CTNNA2: variants seen among roughly 807,000 people sequenced by gnomAD.
CTNNA2 encodes the protein catenin alpha-2.
A neutral mutation model predicts 101.0 loss-of-function variants in CTNNA2; 42 were observed. That is an observed-to-expected ratio of 0.42 (90% CI 0.32 to 0.54). The LOEUF (loss-of-function observed/expected upper bound fraction) is 0.54. CTNNA2 is among the 20% of genes least tolerant of loss of function. The pLI is 0.14. For synonymous variants in CTNNA2, 450 were observed against 456.4 expected, an observed-to-expected ratio of 0.99 and a Z score of 0.18; for missense variants, 871 against 1,223.1, an observed-to-expected ratio of 0.71 and a Z score of 4.29.
chr2:79,354,739 A>G (rs992983228), intron 3 of CTNNA2, among the ~76,000 whole-genome samples: 5 of 152,218 alleles, frequency 3.3e-5, no homozygotes, highest in Admixed American at 6.5e-5. Context: ...CCACTGTGAG[A>G]GTGAATTGCC....
chr2:79,935,514 G>T (rs1248657066), intron 7 of CTNNA2, among the ~76,000 whole-genome samples: 2 of 152,122 alleles, frequency 1.3e-5, no homozygotes, highest in Non-Finnish European at 2.9e-5. Flanking sequence ...CACAAAGAGA[G>T]GCTATCATTT....
chr2:80,575,654 A>C (rs758896846), intron 13 of CTNNA2, among the ~76,000 whole-genome samples: 3 of 152,052 alleles, frequency 2.0e-5, no homozygotes, highest in Non-Finnish European at 4.4e-5. Context: ...AATCCTCAAG[A>C]TATATTCCCT....
intron 3 of CTNNA2, among the ~76,000 whole-genome samples, chr2:79,769,646 C>T (rs1440456001): frequency 1.3e-5 from 2 of 152,152 alleles, no homozygotes; most frequent in African/African-American, 4.8e-5. Context: ...GCATTAGTTA[C>T]GTTTTGAACT....
intron 9 of CTNNA2, among the ~76,000 whole-genome samples, chr2:80,450,162 T>C (rs1363779453): frequency 6.6e-6 from 1 of 152,196 alleles, no homozygotes; most frequent in Non-Finnish European, 1.5e-5. Context: ...TAATAGATAT[T>C]CCATAGAAAA....
At chr2:79,841,484 A>T (rs1263307240) in intron 3 of CTNNA2, among the ~76,000 whole-genome samples, 1 of 152,218 alleles carries the variant, frequency 6.6e-6, no homozygotes, top group Non-Finnish European at 1.5e-5. Flanking sequence ...TCTAATTTTT[A>T]AGAAGGTGGG....
chr2:79,903,911 A>G (rs1251710415), intron 6 of CTNNA2, among the ~76,000 whole-genome samples: 1 of 152,220 alleles, frequency 6.6e-6, no homozygotes, highest in Non-Finnish European at 1.5e-5. Context: ...CAGGTGCAGC[A>G]GATGGAGATG....
intron 9 of CTNNA2, among the ~76,000 whole-genome samples, chr2:80,450,465 A>T (rs538093631): frequency 6.6e-6 from 1 of 152,306 alleles, no homozygotes; most frequent in South Asian, 2.1e-4. Context: ...CTGAGAGCAT[A>T]AAGTTAACCT....
intron 2 of CTNNA2, among the ~76,000 whole-genome samples, chr2:79,306,775 A>G (rs963520817): frequency 3.3e-5 from 5 of 152,250 alleles, no homozygotes; most frequent in Non-Finnish European, 7.3e-5. Flanking sequence ...CATTCTCACC[A>G]GAACCTGTTT....
intron 9 of CTNNA2, among the ~76,000 whole-genome samples, chr2:80,492,587 C>T (rs1687147958): frequency 6.6e-6 from 1 of 152,208 alleles, no homozygotes; most frequent in African/African-American, 2.4e-5. Flanking sequence ...TAAAACTTCT[C>T]AACTTGACAT....
intron 7 of CTNNA2, among the ~76,000 whole-genome samples, chr2:79,969,777 CTGTG>C (rs200527008): frequency 0.017 from 2,559 of 147,074 alleles, 72 homozygotes; most frequent in African/African-American, 0.059. Flanking sequence ...GCATTTATCT[CTGTG>C]TGTGATCAAT....
chr2:79,866,978 A>G (rs1338373157), intron 4 of CTNNA2, among the ~76,000 whole-genome samples: 1 of 152,216 alleles, frequency 6.6e-6, no homozygotes, highest in East Asian at 1.9e-4. Context: ...ATCCAGACCA[A>G]TCTGACCTCA....
At chr2:79,459,317 C>T (rs1037870087) in intron 4 of CTNNA2, among the ~76,000 whole-genome samples, 1 of 151,554 alleles carries the variant, frequency 6.6e-6, no homozygotes, top group Admixed American at 6.6e-5. Flanking sequence ...AACATTATTA[C>T]GAACATACAG....
At chr2:80,574,732 G>A in intron 13 of CTNNA2, among the ~76,000 whole-genome samples, 1 of 152,256 alleles carries the variant, frequency 6.6e-6, no homozygotes, top group East Asian at 1.9e-4. Context: ...CAACTATGAA[G>A]TGATACATAA....
At chr2:80,462,884 C>G (rs1462086462) in intron 9 of CTNNA2, among the ~76,000 whole-genome samples, 1 of 152,082 alleles carries the variant, frequency 6.6e-6, no homozygotes, top group African/African-American at 2.4e-5. Context: ...ACCCTCTCCA[C>G]TCTAGCTTCT....
rs115124634 is a variant in CTNNA2, at chr2:80,190,257, C to T, written c.1057-202954C>T. 5.6e-3 allele frequency among the ~76,000 whole-genome samples: 846 copies of T among 152,052 alleles called. 6 individuals carry two copies. The highest frequency in any genetic ancestry group is 0.018 in the African/African-American group (761 of 41,504). On this transcript the variant is annotated intron_variant, in intron 7 of 18. Transcript: ENST00000402739. Reference sequence around the variant, plus strand: ...GGGGCTGATTACAGGGGAGAGAGTCCAGTGGTGGTGGGCTGGAGAGGAAAA... The same window carrying T: ...GGGGCTGATTACAGGGGAGAGAGTCTAGTGGTGGTGGGCTGGAGAGGAAAA...
At chr2:79,333,319 A>C (rs1449991862) in intron 3 of CTNNA2, among the ~76,000 whole-genome samples, 1 of 152,156 alleles carries the variant, frequency 6.6e-6, no homozygotes, top group Non-Finnish European at 1.5e-5. Context: ...CAAATTTAGA[A>C]TATTCATCGT....
chr2:80,132,928 C>T (rs2148897187), intron 7 of CTNNA2, among the ~76,000 whole-genome samples: 1 of 152,052 alleles, frequency 6.6e-6, no homozygotes, highest in East Asian at 1.9e-4. Context: ...AAATGAACAC[C>T]TTGTTATGGA....
intron 4 of CTNNA2, among the ~76,000 whole-genome samples, chr2:79,441,017 A>G (rs1678771676): frequency 6.6e-6 from 1 of 152,180 alleles, no homozygotes; most frequent in African/African-American, 2.4e-5. Context: ...GGAGTAGTTC[A>G]GTGCCGAGCA....
At position 79,545,130 on chromosome 2, in the gene CTNNA2, T is replaced by G. The variant is rs545906772; in HGVS notation, c.-6+31923T>G. 2.0e-5 allele frequency among the ~76,000 whole-genome samples: 3 copies of G among 152,296 alleles called. No individual in the cohort carries two copies. The East Asian group carries it at 5.8e-4, about 29-fold the overall frequency. ...AGCCCCCTTACTCACTCTCACATAC[T>G]TTTTTAGTAATACAACTCCTGAATT... On this transcript the variant is annotated intron_variant, in intron 1 of 18. Coordinates refer to ENST00000402739, the MANE Select transcript of CTNNA2 (RefSeq NM_001282597.3).
Sources: allele counts gnomAD v4.1 joint callset (sites outside exome capture counted in the v4.1 genomes callset), GRCh38; gene constraint gnomAD v4.1.1; transcripts MANE v1.5; gene names NCBI Gene and HGNC (gene_info 2026-07-23, HGNC 2026-07-21).